The following LRP1B variants were observed in gnomAD, a reference collection of about 807,000 sequenced individuals.
LRP1B encodes low-density lipoprotein receptor-related protein 1B.
LRP1B carries 217 observed loss-of-function variants against 556.6 expected under a neutral mutation model. The ratio of observed to expected loss-of-function variants is 0.39; its 90% CI spans 0.35 to 0.44. LRP1B has a LOEUF of 0.44. Ranked by LOEUF, LRP1B falls within the 20% of genes least tolerant of loss-of-function variation. LRP1B has a pLI of 1.00. For synonymous variants in LRP1B, 2,047 were observed against 1,865.8 expected, an observed-to-expected ratio of 1.10 and a Z score of -2.50; for missense variants, 5,053 against 5,620.8, an observed-to-expected ratio of 0.90 and a Z score of 3.23.
chr2:141,260,752 C>T (rs1251715359), intron 3 of LRP1B, among the ~76,000 whole-genome samples: 1 of 152,038 alleles, frequency 6.6e-6, no homozygotes, highest in African/African-American at 2.4e-5. Context: ...TGTATGCTTC[C>T]AGGTTATGTT....
intron 1 of LRP1B, among the ~76,000 whole-genome samples, chr2:141,862,530 T>A (rs919348232): frequency 6.6e-6 from 1 of 152,148 alleles, no homozygotes; most frequent in Non-Finnish European, 1.5e-5. Context: ...TACCTCAGCC[T>A]CCCTAGTAGC....
chr2:140,481,452 C>A (rs1017309528), intron 59 of LRP1B, among the ~76,000 whole-genome samples: 2 of 151,928 alleles, frequency 1.3e-5, no homozygotes, highest in Non-Finnish European at 2.9e-5. Flanking sequence ...CCTATCTAAA[C>A]TATAAGGAAA....
At chr2:140,588,595 A>G (rs1682082332) in intron 43 of LRP1B, among the ~76,000 whole-genome samples, 2 of 152,244 alleles carry the variant, frequency 1.3e-5, no homozygotes, top group African/African-American at 4.8e-5. Context: ...AATGGAAAAG[A>G]ACAGGGAACC....
At chr2:141,817,549 A>T (rs199877305) in intron 1 of LRP1B, among the ~76,000 whole-genome samples, 1 of 152,220 alleles carries the variant, frequency 6.6e-6, no homozygotes, top group African/African-American at 2.4e-5. Context: ...AAATGTATAT[A>T]TATGAGCTGT....
At chr2:140,590,274 A>C (rs952280194) in intron 43 of LRP1B, among the ~76,000 whole-genome samples, 2 of 148,058 alleles carry the variant, frequency 1.4e-5, no homozygotes, top group Middle Eastern at 3.6e-3. Flanking sequence ...GTATATATGT[A>C]TATATATCTA....
chr2:141,523,281 C>G (rs1201510491), intron 2 of LRP1B, among the ~76,000 whole-genome samples: 1 of 151,968 alleles, frequency 6.6e-6, no homozygotes, highest in Non-Finnish European at 1.5e-5. Context: ...TAAATTGAGT[C>G]TTGAGTTTTT....
intron 3 of LRP1B, among the ~76,000 whole-genome samples, chr2:141,363,649 T>C (rs935097669): frequency 6.6e-6 from 1 of 152,282 alleles, no homozygotes; most frequent in African/African-American, 2.4e-5. Flanking sequence ...TATCACACTA[T>C]CAGAAGTCTT....
intron 68 of LRP1B, among the ~76,000 whole-genome samples, chr2:140,377,033 A>T (rs1370785538): frequency 6.6e-6 from 1 of 152,070 alleles, no homozygotes; most frequent in Non-Finnish European, 1.5e-5. Flanking sequence ...AGCTTTAGGG[A>T]ATCATTGCAA....
chr2:141,430,591 A>T (rs1223536592), intron 3 of LRP1B, among the ~76,000 whole-genome samples: 1 of 150,710 alleles, frequency 6.6e-6, no homozygotes, highest in Admixed American at 6.7e-5. Context: ...TCCAAATAAT[A>T]AGGTAATAGT....
intron 3 of LRP1B, among the ~76,000 whole-genome samples, chr2:141,348,986 A>G (rs1490465109): frequency 6.6e-6 from 1 of 151,980 alleles, no homozygotes; most frequent in Admixed American, 6.6e-5. Context: ...GCCTTCCACC[A>G]TGATTGTGAG....
chr2:141,488,743 C>A (rs934098607), intron 2 of LRP1B, among the ~76,000 whole-genome samples: 3 of 151,922 alleles, frequency 2.0e-5, no homozygotes, highest in Non-Finnish European at 2.9e-5. Flanking sequence ...CAAGCATGAG[C>A]CCCCATACCT....
chr2:141,200,123 G>A (rs570467319), intron 6 of LRP1B, among the ~76,000 whole-genome samples: 2 of 152,238 alleles, frequency 1.3e-5, no homozygotes, highest in South Asian at 2.1e-4. Flanking sequence ...ACACATGCAC[G>A]TATATGTTAA....
At chr2:141,286,710 G>T in intron 3 of LRP1B, 1 of 445,952 alleles carries the variant, frequency 2.2e-6, no homozygotes, top group Non-Finnish European at 4.5e-6. Context: ...AGTTAGTTTT[G>T]CTAAATCATA....
At chr2:141,812,420 G>A (rs761104503) in intron 1 of LRP1B, among the ~76,000 whole-genome samples, 10 of 152,122 alleles carry the variant, frequency 6.6e-5, no homozygotes, top group East Asian at 5.8e-4. Context: ...GCTACTTTGC[G>A]TTTGATCTAC....
At chr2:140,575,123 C>T (rs1159314443) in intron 43 of LRP1B, among the ~76,000 whole-genome samples, 6 of 152,036 alleles carry the variant, frequency 3.9e-5, no homozygotes, top group African/African-American at 7.2e-5. Context: ...TGTGATCCTG[C>T]GATGAACTCA....
At chr2:140,779,559 G>C (rs1046694400) in intron 32 of LRP1B, among the ~76,000 whole-genome samples, 2 of 152,040 alleles carry the variant, frequency 1.3e-5, no homozygotes, top group African/African-American at 4.8e-5. Flanking sequence ...GCCAGGCATG[G>C]TGATGTGCGC....
intron 86 of LRP1B, among the ~76,000 whole-genome samples, chr2:140,265,652 C>A (rs1396671892): frequency 6.6e-6 from 1 of 152,028 alleles, no homozygotes; most frequent in Non-Finnish European, 1.5e-5. Context: ...AAAAATAAAG[C>A]AAGCACTATA....
intron 2 of LRP1B, among the ~76,000 whole-genome samples, chr2:141,701,786 T>C (rs1400258250): frequency 6.6e-6 from 1 of 151,908 alleles, no homozygotes; most frequent in Non-Finnish European, 1.5e-5. Flanking sequence ...TAAAAGTCAG[T>C]GTTCTGTTTG....
chr2:140,885,995 A>T, intron 24 of LRP1B, 143 bp downstream of exon 24: 1 of 564,826 alleles, frequency 1.8e-6, no homozygotes, highest in Non-Finnish European at 3.1e-6. Flanking sequence ...GATGCTCAAT[A>T]TCCCTGATTT....
Sources: gnomAD v4.1 joint callset for allele counts (sites outside exome capture counted in the v4.1 genomes callset) on GRCh38, gnomAD v4.1.1 for gene constraint, MANE v1.5 for transcripts, NCBI Gene and HGNC (gene_info 2026-07-23, HGNC 2026-07-21) for gene names.